The following DMD variants were observed in gnomAD, a reference collection of about 807,000 sequenced individuals.
The protein encoded by DMD is dystrophin.
Under a neutral mutation model 330.1 loss-of-function variants are expected in DMD, and 63 were observed. The observed-to-expected ratio is 0.19, with a 90% CI of 0.16 to 0.24. DMD has a LOEUF of 0.24. Among genes scored for constraint, DMD ranks in the 10% least tolerant of loss-of-function variants. The pLI is 1.00. For missense variants in DMD, 3,344 were observed against 2,684.1 expected (o/e 1.25, Z -5.43); for synonymous variants, 1,223 against 959.8 (o/e 1.27, Z -5.07).
At chrX:32,535,006 A>G (rs1313179409) in intron 17 of DMD, among the ~76,000 whole-genome samples, 1 of 111,645 alleles carries the variant, frequency 9.0e-6, no homozygotes, top group African/African-American at 3.3e-5. Context: ...TGGTCATGGG[A>G]AGATACCATC....
chrX:32,196,358 T>TA (rs906242496), intron 44 of DMD, among the ~76,000 whole-genome samples: 3 of 112,342 alleles, frequency 2.7e-5, no homozygotes, highest in African/African-American at 3.2e-5. Flanking sequence ...AGGCTCCAGA[T>TA]ATAAGCCTGA....
intron 44 of DMD, among the ~76,000 whole-genome samples, chrX:32,105,990 C>A (rs749590442): frequency 1.8e-5 from 2 of 111,656 alleles, no homozygotes; most frequent in African/African-American, 6.5e-5. Flanking sequence ...TTTTTTCCTG[C>A]AAATTTCAGA....
At chrX:32,172,308 A>C (rs2096890470) in intron 44 of DMD, among the ~76,000 whole-genome samples, 1 of 112,233 alleles carries the variant, frequency 8.9e-6, no homozygotes, top group Non-Finnish European at 1.9e-5. Flanking sequence ...AGGAAATGGA[A>C]ATAGATAACA....
rs200147481 is a variant in DMD, at chrX:31,168,754, C to CA, written c.10553+688dup. On this transcript the variant is annotated intron_variant, in intron 74 of 78. Transcript: ENST00000357033. The stretch of plus-strand genomic sequence containing the variant: ...ACTTTTTAAACCAAGGGACCTGTGA[C>CA]ATAATAAATGTAATACAGAACTGAA... Among the ~76,000 whole-genome samples, 811 of 112,065 alleles carry CA rather than the reference C, an allele frequency of 7.2e-3. 5 individuals carry two copies. Among genetic ancestry groups the CA allele is most frequent in the African/African-American group, 0.025 (774 of 30,877 alleles).
chrX:32,673,695 G>A (rs1429232549), intron 9 of DMD, among the ~76,000 whole-genome samples: 1 of 112,088 alleles, frequency 8.9e-6, no homozygotes, highest in East Asian at 2.8e-4. Context: ...TCATGAAGAA[G>A]CAGCTTCTAT....
At chrX:33,130,399 A>G (rs1342937027) in intron 1 of DMD, among the ~76,000 whole-genome samples, 1 of 110,764 alleles carries the variant, frequency 9.0e-6, no homozygotes, top group Non-Finnish European at 1.9e-5. Flanking sequence ...TTTGAATAAA[A>G]ATCACCTCAT....
At chrX:32,438,530 C>A (rs1163518320) in intron 28 of DMD, 140 bp from the exon 29 acceptor site, 1 of 692,985 alleles carries the variant, frequency 1.4e-6, no homozygotes, top group Non-Finnish European at 2.2e-6. Flanking sequence ...GGATTAAAAA[C>A]ACCAAGGAGC....
intron 47 of DMD, among the ~76,000 whole-genome samples, chrX:31,924,196 C>A (rs1401214230): frequency 3.6e-5 from 4 of 111,670 alleles, no homozygotes; most frequent in African/African-American, 6.5e-5. Context: ...AAGGGCAGGA[C>A]TGAATGGTAA....
In DMD at chrX:32,955,188, A is replaced by G. The variant is rs917531086; in HGVS notation, c.93+64951T>C. ...GTATACGTGCTCCTTTTTCCCCACA[A>G]CCGTGCTAGCATCTACTATTTTTTG... On this transcript the variant is annotated intron_variant, in intron 2 of 78. Coordinates refer to ENST00000357033, the MANE Select transcript of DMD (RefSeq NM_004006.3). 3.6e-5 allele frequency among the ~76,000 whole-genome samples: 4 copies of G among 111,398 alleles called. No homozygotes were observed. In the South Asian group the frequency reaches 1.5e-3, roughly 42 times the overall value.
chrX:32,478,162 AG>A (rs1415806240), intron 21 of DMD, among the ~76,000 whole-genome samples: 1 of 111,479 alleles, frequency 9.0e-6, no homozygotes, highest in Non-Finnish European at 1.9e-5. Context: ...ATATGTTAGT[AG>A]TCTTAATATT....
chrX:31,521,048 G>A (rs766497681), intron 55 of DMD, among the ~76,000 whole-genome samples: 23 of 111,854 alleles, frequency 2.1e-4, no homozygotes, highest in Non-Finnish European at 3.2e-4. Flanking sequence ...GGTTTGGGAA[G>A]GCTTAGGCCT....
chrX:32,804,953 C>G (rs778189078), intron 7 of DMD, among the ~76,000 whole-genome samples: 3 of 112,164 alleles, frequency 2.7e-5, no homozygotes, highest in South Asian at 7.4e-4. Context: ...GAAACCCCAT[C>G]TGAAGGTCAC....
At chrX:31,989,334 T>G (rs1032668773) in intron 44 of DMD, among the ~76,000 whole-genome samples, 1 of 112,410 alleles carries the variant, frequency 8.9e-6, no homozygotes, top group Non-Finnish European at 1.9e-5. Context: ...TGAAGTTAAA[T>G]TGATAGACTT....
At chrX:31,377,058 G>T (rs762667948) in intron 60 of DMD, among the ~76,000 whole-genome samples, 5 of 111,970 alleles carry the variant, frequency 4.5e-5, no homozygotes, top group Non-Finnish European at 9.4e-5. Context: ...TACACAAAAA[G>T]ATTTTATAAG....
At chrX:31,943,927 G>GAA (rs1491394139) in intron 45 of DMD, among the ~76,000 whole-genome samples, 1 of 98,974 alleles carries the variant, frequency 1.0e-5, no homozygotes, top group African/African-American at 3.9e-5. Context: ...GAGAGAGAGA[G>GAA]AAAAGGGAAC....
At chrX:32,375,204 C>T (rs577553334) in intron 34 of DMD, among the ~76,000 whole-genome samples, 3 of 110,623 alleles carry the variant, frequency 2.7e-5, no homozygotes, top group East Asian at 2.8e-4. Context: ...AAGAATCTGT[C>T]GATCATGCTT....
chrX:31,259,837 A>T (rs1275095547), intron 63 of DMD, among the ~76,000 whole-genome samples: 1 of 111,037 alleles, frequency 9.0e-6, no homozygotes, highest in African/African-American at 3.3e-5. Flanking sequence ...CCTGACACAC[A>T]CACACCCCAC....
At chrX:31,253,825 C>T (rs1197488855) in intron 63 of DMD, among the ~76,000 whole-genome samples, 3 of 111,859 alleles carry the variant, frequency 2.7e-5, no homozygotes, top group African/African-American at 6.5e-5. Flanking sequence ...CTAAGGGCTA[C>T]GTGCTGATAG....
At chrX:31,905,302 G>A (rs990641162) in intron 47 of DMD, among the ~76,000 whole-genome samples, 1 of 111,155 alleles carries the variant, frequency 9.0e-6, no homozygotes, top group African/African-American at 3.3e-5. Context: ...ACACAGAGAC[G>A]AATGCTAAGA....
Sources: allele counts gnomAD v4.1 joint callset (sites outside exome capture counted in the v4.1 genomes callset), GRCh38; gene constraint gnomAD v4.1.1; transcripts MANE v1.5; gene names NCBI Gene and HGNC (gene_info 2026-07-23, HGNC 2026-07-21).